Variants in BMPR1B observed in about 807,000 individuals in gnomAD.
BMPR1B encodes bone morphogenetic protein receptor type-1B.
Under a neutral mutation model 59.1 loss-of-function variants are expected in BMPR1B, and 12 were observed. That is an observed-to-expected ratio of 0.20 (90% confidence interval 0.13 to 0.33). The LOEUF is 0.33. BMPR1B is among the 10% of genes least tolerant of loss of function. The pLI, the probability that BMPR1B is intolerant of heterozygous loss-of-function variation, is 1.00. For synonymous variants in BMPR1B, 237 were observed against 207.3 expected (o/e 1.14, Z -1.23); for missense variants, 550 against 610.9 (o/e 0.90, Z 1.05).
chr4:95,130,110 C>A (rs1733215221), intron 9 of BMPR1B, 56 bp downstream of exon 9: 3 of 1,571,752 alleles, frequency 1.9e-6, no homozygotes, highest in Admixed American at 3.4e-5. Context: ...CTCTGTCTTT[C>A]TGTTAACATC....
Position 94,943,905 on chromosome 4 carries a change from A to T in BMPR1B, c.-112-52135A>T, listed in dbSNP as rs79957234. 2.6e-4 allele frequency among the ~76,000 whole-genome samples: 40 copies of T among 152,340 alleles called. No homozygotes were observed. In the East Asian group the frequency reaches 6.4e-3, roughly 24 times the overall value. On this transcript the variant is annotated intron_variant, in intron 2 of 12. Transcript: ENST00000515059. ...GAATTTAAGGTAATTTAAATGTTGC[A>T]TATGTATATATAGGTTGTGAATCTC...
At chr4:94,758,246 C>G (rs1186405510) in intron 1 of BMPR1B, among the ~76,000 whole-genome samples, 178 bp downstream of exon 1, 2 of 148,234 alleles carry the variant, frequency 1.3e-5, no homozygotes, top group African/African-American at 5.0e-5. Context: ...AGGGAGAGGG[C>G]GAGAGCGAGG....
intron 2 of BMPR1B, among the ~76,000 whole-genome samples, chr4:94,919,965 A>G (rs1268522611): frequency 6.6e-6 from 1 of 152,108 alleles, no homozygotes; most frequent in Non-Finnish European, 1.5e-5. Flanking sequence ...TTGTCTTTCA[A>G]TTGTTCGTGA....
intron 8 of BMPR1B, among the ~76,000 whole-genome samples, chr4:95,126,907 C>A (rs1732945500): frequency 1.3e-5 from 2 of 152,146 alleles, no homozygotes; most frequent in East Asian, 3.9e-4. Flanking sequence ...TTATATATAA[C>A]CACATACTTG....
rs565006034 is a variant in BMPR1B, at chr4:95,069,256, C to T, written c.-17-35152C>T. 2.6e-5 allele frequency among the ~76,000 whole-genome samples: 4 copies of T among 152,304 alleles called. No homozygotes were observed. In the East Asian group the frequency reaches 7.7e-4, roughly 29 times the overall value. On this transcript the variant is annotated intron_variant, in intron 3 of 12. Coordinates refer to ENST00000515059, the MANE Select transcript of BMPR1B (RefSeq NM_001203.3). ...CAACAATCTCCTGACTGGCTCTCTG[C>T]TTTGGTTTTTGCTCTCTATAGTCTA...
At chr4:94,900,510 A>G (rs1369554755) in intron 2 of BMPR1B, among the ~76,000 whole-genome samples, 1 of 152,048 alleles carries the variant, frequency 6.6e-6, no homozygotes, top group Admixed American at 6.6e-5. Flanking sequence ...GCCTAGTCTC[A>G]GCTAAATACA....
chr4:95,140,384 C>G lies in BMPR1B; in HGVS notation c.1077-8364C>G, dbSNP rs574327311. On this transcript the variant is annotated intron_variant, in intron 10 of 12. Coordinates refer to ENST00000515059, the MANE Select transcript of BMPR1B (RefSeq NM_001203.3). ...AAATCCCCCTTTCTAATCTTACATT[C>G]TACAAACTCTCCAATTTGTATGCTT... is the stretch of plus-strand genomic sequence containing the variant. Among the ~76,000 whole-genome samples, 264 of 152,294 alleles carry G rather than the reference C, an allele frequency of 1.7e-3. 1 individual carries two copies. The highest frequency in any genetic ancestry group is 6.0e-3 in the African/African-American group (249 of 41,568).
intron 3 of BMPR1B, among the ~76,000 whole-genome samples, chr4:95,096,715 G>T (rs1178145644): frequency 2.5e-5 from 2 of 78,506 alleles, no homozygotes; most frequent in African/African-American, 4.0e-5. Context: ...TTATATAGAG[G>T]CATATATAAC....
intron 1 of BMPR1B, among the ~76,000 whole-genome samples, chr4:94,773,065 G>C (rs1448609319): frequency 2.0e-5 from 3 of 152,234 alleles, no homozygotes; most frequent in South Asian, 2.1e-4. Flanking sequence ...GGATGGGATA[G>C]AGTAATATGT....
rs1734534030 is a variant in BMPR1B, at chr4:95,144,929, A to T, written c.1077-3819A>T. On this transcript the variant is annotated intron_variant, in intron 10 of 12. Transcript: ENST00000515059. ...TATCACTTTTGTTCTTCCCGTCCTT[A>T]TGCCTATAACCTGTCCTGTAATCCT... Among the ~76,000 whole-genome samples the T allele has an allele frequency of 2.0e-5, 3 of 152,106 alleles. No individual in the cohort carries two copies. The South Asian group carries it at 6.2e-4, about 32-fold the overall frequency.
intron 1 of BMPR1B, among the ~76,000 whole-genome samples, chr4:94,775,585 C>G (rs1370856792): frequency 6.6e-6 from 1 of 151,956 alleles, no homozygotes; most frequent in Non-Finnish European, 1.5e-5. Context: ...TGACATTTTC[C>G]CTTGGATGAA....
chr4:95,046,235 G>C (rs974052827), intron 3 of BMPR1B, among the ~76,000 whole-genome samples: 3 of 151,980 alleles, frequency 2.0e-5, no homozygotes, highest in Non-Finnish European at 4.4e-5. Flanking sequence ...TTAAAATCTT[G>C]ACTTAAGAGA....
chr4:95,113,140 T>C (rs999303146), intron 4 of BMPR1B, among the ~76,000 whole-genome samples: 6 of 152,152 alleles, frequency 3.9e-5, no homozygotes, highest in Admixed American at 2.0e-4. Flanking sequence ...TTTTAATTAT[T>C]CCCTTCGGTG....
At chr4:94,769,885 T>C (rs1430063073) in intron 1 of BMPR1B, among the ~76,000 whole-genome samples, 2 of 152,264 alleles carry the variant, frequency 1.3e-5, no homozygotes, top group African/African-American at 4.8e-5. Flanking sequence ...CAGCCATTAG[T>C]GAAACTGCTA....
chr4:95,136,021 T>G (rs1321187194), intron 10 of BMPR1B, among the ~76,000 whole-genome samples: 1 of 152,158 alleles, frequency 6.6e-6, no homozygotes, highest in African/African-American at 2.4e-5. Context: ...GCTCTTATTA[T>G]TTTGAGATAC....
chr4:94,828,369 C>T, intron 1 of BMPR1B, among the ~76,000 whole-genome samples: 1 of 152,040 alleles, frequency 6.6e-6, no homozygotes, highest in Non-Finnish European at 1.5e-5. Context: ...TTTCCAATAA[C>T]AGAATTTTTT....
chr4:95,158,035 C>G lies in BMPR1B; in HGVS notation c.*3362C>G, dbSNP rs1412624253. On this transcript the variant is annotated 3_prime_UTR_variant, in exon 13 of 13. Coordinates refer to ENST00000515059, the MANE Select transcript of BMPR1B (RefSeq NM_001203.3). ...AGAAGTTTTATGTTGTTGGTCTGAT[C>G]TGATTCTTCTTTGTTTGTGGGTGGA... is the stretch of plus-strand genomic sequence containing the variant. 1 of 152,128 alleles carries G rather than the reference C, an allele frequency of 6.6e-6. No homozygotes were observed. Among genetic ancestry groups the G allele is most frequent in the African/African-American group, 2.4e-5 (1 of 41,434 alleles). 9.4% of individuals were successfully genotyped at this position (152,128 alleles called of 1,614,324 possible).
chr4:95,096,319 A>G (rs1203632278), intron 3 of BMPR1B, among the ~76,000 whole-genome samples: 1 of 151,726 alleles, frequency 6.6e-6, no homozygotes, highest in Non-Finnish European at 1.5e-5. Flanking sequence ...ATTTTCCAGA[A>G]AAGATATTCA....
At chr4:95,132,976 C>G (rs535775645) in intron 10 of BMPR1B, among the ~76,000 whole-genome samples, 2 of 152,276 alleles carry the variant, frequency 1.3e-5, no homozygotes, top group South Asian at 2.1e-4. Flanking sequence ...TGGCTCTGCT[C>G]TCTTTTTACC....
Sources: allele counts gnomAD v4.1 joint callset (sites outside exome capture counted in the v4.1 genomes callset), GRCh38; gene constraint gnomAD v4.1.1; transcripts MANE v1.5; gene names NCBI Gene and HGNC (gene_info 2026-07-23, HGNC 2026-07-21).